Variants in ZBTB20 observed in about 807,000 individuals in gnomAD.
ZBTB20 encodes the protein zinc finger and BTB domain containing 20.
ZBTB20 carries 9 observed loss-of-function variants against 56.9 expected under a neutral mutation model. That is an observed-to-expected ratio of 0.16 (90% CI 0.10 to 0.28). ZBTB20 has a LOEUF of 0.28. ZBTB20 is among the 10% of genes least tolerant of loss of function. The pLI is 1.00. For synonymous variants in ZBTB20, 417 were observed against 420.7 expected (o/e 0.99, Z 0.11); for missense variants, 655 against 1,003.0 (o/e 0.65, Z 4.69).
At chr3:114,570,625 G>T (rs1215729593) in intron 6 of ZBTB20, among the ~76,000 whole-genome samples, 1 of 151,944 alleles carries the variant, frequency 6.6e-6, no homozygotes, top group Non-Finnish European at 1.5e-5. Context: ...ACCATTTCTT[G>T]GTTCTGCTGA....
chr3:114,415,593 G>C (rs1367227154), intron 7 of ZBTB20, among the ~76,000 whole-genome samples: 14 of 152,054 alleles, frequency 9.2e-5, no homozygotes, highest in Admixed American at 9.2e-4. Context: ...AAATCAGATG[G>C]CCTGATATAA....
chr3:114,661,462 G>C (rs1011728755), intron 6 of ZBTB20, among the ~76,000 whole-genome samples: 2 of 152,106 alleles, frequency 1.3e-5, no homozygotes, highest in Admixed American at 6.6e-5. Context: ...TATCAAGTTA[G>C]ATTTCTCATT....
chr3:114,519,114 T>A (rs908385505), intron 6 of ZBTB20: 34 of 152,296 alleles, frequency 2.2e-4, no homozygotes, highest in African/African-American at 8.2e-4. Flanking sequence ...CAAGACCTAA[T>A]AGAACTGCCC....
intron 7 of ZBTB20, among the ~76,000 whole-genome samples, chr3:114,389,470 C>CT (rs145420261): frequency 0.016 from 2,315 of 146,636 alleles, 62 homozygotes; most frequent in African/African-American, 0.055. Flanking sequence ...GTATCCTTTT[C>CT]TTTTTTTTTT....
At chr3:114,829,981 A>G (rs2073757742) in intron 4 of ZBTB20, among the ~76,000 whole-genome samples, 2 of 151,934 alleles carry the variant, frequency 1.3e-5, no homozygotes, top group African/African-American at 4.8e-5. Flanking sequence ...CCTATGTGCA[A>G]TGATCCTCGA....
chr3:114,717,054 G>A (rs2064532672), intron 5 of ZBTB20, among the ~76,000 whole-genome samples: 1 of 152,126 alleles, frequency 6.6e-6, no homozygotes, highest in African/African-American at 2.4e-5. Flanking sequence ...CTGAAAACTT[G>A]AAGTTGACCT....
intron 2 of ZBTB20, among the ~76,000 whole-genome samples, chr3:115,017,319 A>T (rs2080009554): frequency 6.6e-6 from 1 of 151,646 alleles, no homozygotes; most frequent in Non-Finnish European, 1.5e-5. Flanking sequence ...AATACAGCTG[A>T]CAAGGGAAGT....
chr3:114,804,934 T>C (rs1053792552), intron 4 of ZBTB20, among the ~76,000 whole-genome samples: 1 of 151,924 alleles, frequency 6.6e-6, no homozygotes, highest in Admixed American at 6.6e-5. Flanking sequence ...TTTTAAATGG[T>C]CTTTTCTTTT....
At chr3:114,594,359 C>T (rs1460333349) in intron 6 of ZBTB20, among the ~76,000 whole-genome samples, 3 of 151,276 alleles carry the variant, frequency 2.0e-5, no homozygotes, top group Non-Finnish European at 2.9e-5. Context: ...CTCCGCCGCC[C>T]GGGTTCAAGT....
At chr3:115,083,016 A>C (rs1443179172) in intron 1 of ZBTB20, among the ~76,000 whole-genome samples, 4 of 152,072 alleles carry the variant, frequency 2.6e-5, no homozygotes, top group African/African-American at 9.7e-5. Flanking sequence ...TATGGATTCT[A>C]CTTATACTAA....
chr3:114,636,674 TA>T, intron 6 of ZBTB20, among the ~76,000 whole-genome samples: 1 of 151,586 alleles, frequency 6.6e-6, no homozygotes, highest in South Asian at 2.1e-4. Flanking sequence ...AGTAGATATA[TA>T]AAACATAAAG....
chr3:114,446,659 G>T (rs2091289748), intron 7 of ZBTB20, among the ~76,000 whole-genome samples: 1 of 152,140 alleles, frequency 6.6e-6, no homozygotes, highest in Non-Finnish European at 1.5e-5. Flanking sequence ...TCATGTAAGT[G>T]TTTGACAAAA....
At chr3:114,970,478 G>A (rs544846638) in intron 3 of ZBTB20, among the ~76,000 whole-genome samples, 3 of 152,268 alleles carry the variant, frequency 2.0e-5, no homozygotes, top group Admixed American at 1.3e-4. Context: ...GACAATGTTC[G>A]TGCTTCTTCT....
At chr3:114,839,034 C>A (rs2074250833) in intron 4 of ZBTB20, among the ~76,000 whole-genome samples, 1 of 151,986 alleles carries the variant, frequency 6.6e-6, no homozygotes, top group Admixed American at 6.6e-5. Context: ...TACTGATAGC[C>A]CTGATGGAGA....
At chr3:114,881,020 T>C (rs2076378013) in intron 4 of ZBTB20, among the ~76,000 whole-genome samples, 1 of 152,074 alleles carries the variant, frequency 6.6e-6, no homozygotes. Context: ...ATATTAAAAA[T>C]AAAATGAAGA....
In ZBTB20 at chr3:114,861,445, GT is replaced by G. The variant is rs2075523816; in HGVS notation, c.-417+38858del. Among the ~76,000 whole-genome samples the G allele has an allele frequency of 3.3e-5, 5 of 152,050 alleles. No individual in the cohort carries two copies. The South Asian group carries it at 1.0e-3, about 32-fold the overall frequency. On this transcript the variant is annotated intron_variant, in intron 4 of 11. Transcript: ENST00000675478. ...AATTTAAAAATTTATTCTCCTTTAA[GT>G]TGTACAGTTTAAGCCTCACCTTATT...
chr3:115,014,628 T>C (rs2079867255), intron 2 of ZBTB20, among the ~76,000 whole-genome samples: 2 of 151,616 alleles, frequency 1.3e-5, no homozygotes, highest in Admixed American at 1.3e-4. Flanking sequence ...AATTATACAA[T>C]CTCCTAGGCT....
intron 7 of ZBTB20, among the ~76,000 whole-genome samples, chr3:114,475,568 T>G (rs1377900227): frequency 6.6e-6 from 1 of 152,078 alleles, no homozygotes; most frequent in African/African-American, 2.4e-5. Flanking sequence ...TTAGAAATAA[T>G]GCATCAGAGA....
chr3:114,578,086 C>G (rs1368144698), intron 6 of ZBTB20, among the ~76,000 whole-genome samples: 2 of 151,436 alleles, frequency 1.3e-5, no homozygotes, highest in African/African-American at 2.4e-5. Context: ...TAAAAAAGAA[C>G]AAGAAATGAT....
Sources: allele counts gnomAD v4.1 joint callset (sites outside exome capture counted in the v4.1 genomes callset), GRCh38; gene constraint gnomAD v4.1.1; transcripts MANE v1.5; gene names NCBI Gene and HGNC (gene_info 2026-07-23, HGNC 2026-07-21).